Variants in XG observed in about 807,000 individuals in gnomAD.
The protein encoded by XG is Xg glycoprotein (Xg blood group), also known as glycoprotein Xg.
In XG, 24 loss-of-function variants were observed where a neutral mutation model predicts 25.7. That is an observed-to-expected ratio of 0.93 (90% CI 0.68 to 1.31). The LOEUF is 1.31. Ranked by LOEUF, XG falls within the 40% of genes most tolerant of loss-of-function variation. The pLI, the probability that XG is intolerant of heterozygous loss-of-function variation, is 0.00. For synonymous variants in XG, 77 were observed against 69.2 expected (o/e 1.11, Z -0.56); for missense variants, 181 against 187.6 (o/e 0.96, Z 0.21).
At chrX:2,792,545 T>TTGTGTGTGTGTGTGTGTGTG (rs146747084) in intron 5 of XG, among the ~76,000 whole-genome samples, 2 of 99,749 alleles carry the variant, frequency 2.0e-5, no homozygotes, top group African/African-American at 7.4e-5. Context: ...TTCTTTTTCT[T>TTGTGTGTGTGTGTGTGTGTG]TGTGTGTGTG....
rs371198992 is a variant in XG, at chrX:2,805,138, C to A, written c.374-1563C>A. 1.9e-3 allele frequency among the ~76,000 whole-genome samples: 217 copies of A among 112,364 alleles called. 1 individual carries two copies. Among genetic ancestry groups the A allele is most frequent in the African/African-American group, 5.5e-3 (169 of 30,999 alleles). On this transcript the variant is annotated intron_variant, in intron 7 of 10. Coordinates refer to ENST00000644266, the MANE Select transcript of XG (RefSeq NM_001141919.2). The stretch of plus-strand genomic sequence containing the variant: ...CCCCGAATCCCCAAAGGAGGCAGAG[C>A]GTGTTAGGCTTGTTCTGGCTTCATG...
rs1348431399 is a variant in XG, at chrX:2,789,626, A to G, written c.191-18A>G. The G allele has an allele frequency of 4.4e-6, 5 of 1,124,475 alleles. No individual in the cohort carries two copies. Among genetic ancestry groups the G allele is most frequent in the Non-Finnish European group, 6.0e-6 (5 of 838,856 alleles). The allele number at this position is 1,124,475 out of a possible 1,213,427, so 92.7% of individuals were successfully genotyped here. A position where few individuals can be genotyped will look rare whatever the true frequency, so the allele number is the denominator to read the frequency against. On this transcript the variant is annotated intron_variant, in intron 4 of 10. Coordinates refer to ENST00000644266, the MANE Select transcript of XG (RefSeq NM_001141919.2). ...GATGTCATTATTTTTCTGAAATCAT[A>G]CTGTTGTTTTCCAACAGATATCTAC...
intron 9 of XG, among the ~76,000 whole-genome samples, chrX:2,809,088 C>T (rs905304751): frequency 6.3e-5 from 7 of 111,013 alleles, no homozygotes; most frequent in African/African-American, 2.3e-4. Context: ...GGTAGGGTTT[C>T]CTGGAGAGAA....
chrX:2,779,953 A>G (rs1313801932), intron 3 of XG, among the ~76,000 whole-genome samples: 1 of 152,144 alleles, frequency 6.6e-6, no homozygotes. Context: ...AGCCTCTGGT[A>G]TACTTTAAAT....
intron 1 of XG, among the ~76,000 whole-genome samples, chrX:2,765,159 A>C (rs1453340459): frequency 6.6e-6 from 1 of 151,608 alleles, no homozygotes; most frequent in Admixed American, 6.6e-5. Context: ...CAGCCTGGCC[A>C]ACATGGTGAA....
chrX:2,804,687 C>T (rs1441602295), intron 7 of XG, among the ~76,000 whole-genome samples: 1 of 111,563 alleles, frequency 9.0e-6, no homozygotes, highest in Non-Finnish European at 1.9e-5. Context: ...ATTCAGCAAG[C>T]GGCTCCCCTG....
At chrX:2,779,080 A>G (rs2124479332) in intron 3 of XG, among the ~76,000 whole-genome samples, 1 of 152,260 alleles carries the variant, frequency 6.6e-6, no homozygotes, top group East Asian at 1.9e-4. Flanking sequence ...AATACTTAAA[A>G]ATGAACTACA....
intron 7 of XG, among the ~76,000 whole-genome samples, chrX:2,798,336 G>A (rs1447443574): frequency 9.6e-6 from 1 of 103,812 alleles, no homozygotes; most frequent in South Asian, 4.4e-4. Flanking sequence ...TAAGAGTTTT[G>A]TACACCTTCA....
At chrX:2,794,467 C>A (rs1287693003) in intron 5 of XG, 68 bp from the exon 6 acceptor site, 10 of 1,135,275 alleles carry the variant, frequency 8.8e-6, no homozygotes, top group Non-Finnish European at 1.2e-5. Context: ...GTGCCCCCAG[C>A]GCAGACCTGG....
At chrX:2,764,341 T>C in intron 1 of XG, among the ~76,000 whole-genome samples, 1 of 152,218 alleles carries the variant, frequency 6.6e-6, no homozygotes, top group East Asian at 1.9e-4. Flanking sequence ...GCTTTTCTAA[T>C]AAACTTGCTT....
intron 5 of XG, among the ~76,000 whole-genome samples, chrX:2,792,527 C>A (rs866360238): frequency 1.1e-5 from 1 of 90,397 alleles, no homozygotes; most frequent in Non-Finnish European, 2.2e-5. Context: ...TTTTCTTTTT[C>A]TTTCTTTTTC....
intron 10 of XG, among the ~76,000 whole-genome samples, chrX:2,813,378 T>C (rs1468260745): frequency 3.6e-5 from 4 of 111,941 alleles, no homozygotes; most frequent in East Asian, 5.6e-4. Flanking sequence ...CTAGGAAATA[T>C]GTGCATGACA....
chrX:2,766,297 C>T (rs1390745222), intron 1 of XG, among the ~76,000 whole-genome samples: 1 of 152,114 alleles, frequency 6.6e-6, no homozygotes, highest in Non-Finnish European at 1.5e-5. Context: ...CGCACCACCA[C>T]GCTCAGCTAA....
In XG at chrX:2,765,234, C is replaced by A. The variant is rs1385071911; in HGVS notation, c.62-5316C>A. On this transcript the variant is annotated intron_variant, in intron 1 of 10. Transcript: ENST00000644266. ...TAGTAGGGGGCGCCTGTAATCCCAG[C>A]TACTCAGGAGGCTGAGGCAGGCGGG... Among the ~76,000 whole-genome samples the A allele has an allele frequency of 2.0e-5, 3 of 151,582 alleles. No individual in the cohort carries two copies. The South Asian group carries it at 6.3e-4, about 32-fold the overall frequency.
intron 10 of XG, among the ~76,000 whole-genome samples, chrX:2,812,002 G>C (rs1219991648): frequency 1.8e-5 from 2 of 111,803 alleles, no homozygotes; most frequent in Non-Finnish European, 3.8e-5. Context: ...GAGAAAAAAA[G>C]GAAAGAAAAA....
At position 2,815,596 on chromosome X, in the gene XG, C is replaced by T. The variant is rs2087096383; in HGVS notation, c.*1216C>T. On this transcript the variant is annotated 3_prime_UTR_variant, in exon 11 of 11. Transcript: ENST00000644266. ...CATTAGGTACCTCGGAGTTGCGGGT[C>T]TCAAATGTGGATTCATGCATCATTT... 1 of 110,759 alleles carries T rather than the reference C, an allele frequency of 9.0e-6. No individual in the cohort carries two copies. Among genetic ancestry groups the T allele is most frequent in the Admixed American group, 9.7e-5 (1 of 10,311 alleles). The allele number at this position is 110,759 out of a possible 1,213,427, so 9.1% of individuals were successfully genotyped here.
intron 3 of XG, among the ~76,000 whole-genome samples, chrX:2,779,354 ACCTTT>A: frequency 6.6e-6 from 1 of 150,598 alleles, no homozygotes; most frequent in African/African-American, 2.4e-5. Flanking sequence ...AAAAAGCATA[ACCTTT>A]AAAAATGGGT....
Position 2,787,500 on chromosome X carries a change from G to A in XG, c.191-2144G>A, listed in dbSNP as rs556317514. ...GCCACGAATATGCAGCTCGTGCTCC[G>A]GGCAGTGCCTTCTGGCCTGGAAACC... On this transcript the variant is annotated intron_variant, in intron 4 of 10. Coordinates refer to ENST00000644266, the MANE Select transcript of XG (RefSeq NM_001141919.2). 1.9e-3 allele frequency among the ~76,000 whole-genome samples: 207 copies of A among 111,457 alleles called. 3 individuals are homozygous for A. Among genetic ancestry groups the A allele is most frequent in the Admixed American group, 0.016 (169 of 10,462 alleles).
intron 6 of XG, among the ~76,000 whole-genome samples, chrX:2,795,989 A>G (rs1424034169): frequency 9.1e-6 from 1 of 109,735 alleles, no homozygotes; most frequent in Non-Finnish European, 1.9e-5. Flanking sequence ...CTTTATATAT[A>G]TCTTTAATAT....
Sources: allele counts gnomAD v4.1 joint callset (sites outside exome capture counted in the v4.1 genomes callset), GRCh38; gene constraint gnomAD v4.1.1; transcripts MANE v1.5; gene names NCBI Gene and HGNC (gene_info 2026-07-23, HGNC 2026-07-21).